The following ENTREP2 variants were observed in gnomAD, a reference collection of about 807,000 sequenced individuals.
ENTREP2 encodes the protein endosomal transmembrane epsin interactor 2.
the ENTREP2 span, among the ~76,000 whole-genome samples, chr15:29,537,718 C>T: frequency 6.6e-6 from 1 of 152,122 alleles, no homozygotes; most frequent in Admixed American, 6.6e-5. Flanking sequence ...CTGCTCAAAA[C>T]CCTCCAGTAG....
chr15:29,578,751 G>C, the ENTREP2 span, among the ~76,000 whole-genome samples: 1 of 152,184 alleles, frequency 6.6e-6, no homozygotes, highest in African/African-American at 2.4e-5. Context: ...ACTTAGCACA[G>C]TCCTAGCAGA....
chr15:29,360,251 C>T, the ENTREP2 span, among the ~76,000 whole-genome samples: 24 of 152,242 alleles, frequency 1.6e-4, no homozygotes, highest in South Asian at 8.3e-4. Flanking sequence ...TGAAAGAATA[C>T]GCATTTTGAA....
chr15:29,562,892 G>C, the ENTREP2 span, among the ~76,000 whole-genome samples: 1 of 152,084 alleles, frequency 6.6e-6, no homozygotes, highest in Non-Finnish European at 1.5e-5. Context: ...CCAGACTCAG[G>C]TGATCCTCCC....
the ENTREP2 span, among the ~76,000 whole-genome samples, chr15:29,448,051 G>A: frequency 6.6e-6 from 1 of 152,042 alleles, no homozygotes; most frequent in African/African-American, 2.4e-5. Flanking sequence ...TCTAGCCTGG[G>A]TGATGGAGCG....
chr15:29,424,444 A>G, the ENTREP2 span, among the ~76,000 whole-genome samples: 1 of 152,198 alleles, frequency 6.6e-6, no homozygotes. Flanking sequence ...AGCTGGACAC[A>G]AAAGTTCTCC....
At chr15:29,652,383 C>T in the ENTREP2 span, among the ~76,000 whole-genome samples, 7 of 152,210 alleles carry the variant, frequency 4.6e-5, no homozygotes, top group African/African-American at 1.7e-4. Context: ...TCTTGCTCAC[C>T]CTCCACTTGT....
chr15:29,337,481 G>A, the ENTREP2 span, among the ~76,000 whole-genome samples: 118 of 152,238 alleles, frequency 7.8e-4, no homozygotes, highest in African/African-American at 2.4e-3. Flanking sequence ...TTCCAGAAGG[G>A]GAAGGCACAA....
the ENTREP2 span, among the ~76,000 whole-genome samples, chr15:29,393,557 C>A: frequency 6.6e-6 from 1 of 152,100 alleles, no homozygotes; most frequent in African/African-American, 2.4e-5. Context: ...GGGCAGTGGA[C>A]CTTGATGATC....
chr15:29,162,151 AG>A, the ENTREP2 span, among the ~76,000 whole-genome samples: 1 of 152,210 alleles, frequency 6.6e-6, no homozygotes, highest in Non-Finnish European at 1.5e-5. Flanking sequence ...GCAGCGGGAA[AG>A]GCCCTGGGAG....
At chr15:29,479,512 G>A in the ENTREP2 span, among the ~76,000 whole-genome samples, 333 of 152,094 alleles carry the variant, frequency 2.2e-3, 2 homozygotes, top group Admixed American at 3.9e-3. Context: ...TCAGTGCTCC[G>A]GAACCAGCTG....
the ENTREP2 span, among the ~76,000 whole-genome samples, chr15:29,505,080 G>C: frequency 2.0e-5 from 3 of 152,220 alleles, no homozygotes; most frequent in Non-Finnish European, 4.4e-5. The surrounding 1 kb of genome is among the most constrained non-coding windows in gnomAD (Gnocchi z 4.3). Flanking sequence ...CATAAACATA[G>C]AGTGGATACT....
chr15:29,609,969 A>G, the ENTREP2 span: 1 of 150,530 alleles, frequency 6.6e-6, no homozygotes, highest in African/African-American at 2.4e-5. Flanking sequence ...GTTAAGCACA[A>G]CTTTGGGGCT....
chr15:29,269,263 T>G, the ENTREP2 span: 3 of 1,614,056 alleles, frequency 1.9e-6, no homozygotes, highest in African/African-American at 4.0e-5. Context: ...AGTGTTGCTC[T>G]TGGGTTCAAG....
At chr15:29,145,379 T>C in the ENTREP2 span, among the ~76,000 whole-genome samples, 1 of 151,910 alleles carries the variant, frequency 6.6e-6, no homozygotes, top group Non-Finnish European at 1.5e-5. Context: ...TCCCAGCACT[T>C]TGGGAGGCCG....
the ENTREP2 span, among the ~76,000 whole-genome samples, chr15:29,595,373 T>C: frequency 4.6e-3 from 697 of 152,336 alleles, 8 homozygotes; most frequent in African/African-American, 0.016. Flanking sequence ...TCCCCTATTA[T>C]TATTAACATC....
the ENTREP2 span, among the ~76,000 whole-genome samples, chr15:29,270,705 AGT>A: frequency 3.9e-5 from 6 of 152,220 alleles, no homozygotes; most frequent in East Asian, 1.9e-4. Context: ...TGTGATATAC[AGT>A]CTCTACTGTA....
At chr15:29,606,638 A>C in the ENTREP2 span, among the ~76,000 whole-genome samples, 3 of 152,128 alleles carry the variant, frequency 2.0e-5, no homozygotes, top group African/African-American at 7.2e-5. Context: ...CATTTTTCTC[A>C]AAAAATCCTG....
chr15:29,221,220 G>A, the ENTREP2 span, among the ~76,000 whole-genome samples: 1 of 126,840 alleles, frequency 7.9e-6, no homozygotes, highest in Non-Finnish European at 1.7e-5. Flanking sequence ...TTTTTTTTTT[G>A]AGACGGAGTC....
At chr15:29,657,215 C>CT in the ENTREP2 span, among the ~76,000 whole-genome samples, 8,667 of 146,492 alleles carry the variant, frequency 0.059, 302 homozygotes, top group African/African-American at 0.093. Context: ...GCCGCGCCAG[C>CT]TTTTTTTTTT....
Sources: allele counts gnomAD v4.1 joint callset (sites outside exome capture counted in the v4.1 genomes callset), GRCh38; gene constraint gnomAD v4.1.1; non-coding constraint Gnocchi (gnomAD v3.1); transcripts MANE v1.5; gene names NCBI Gene and HGNC (gene_info 2026-07-23, HGNC 2026-07-21).